Variants in ABCC1 observed in about 807,000 individuals in gnomAD.
ABCC1 encodes ATP binding cassette subfamily C member 1 (ABCC1 blood group).
Under a neutral mutation model 172.9 loss-of-function variants are expected in ABCC1, and 83 were observed. The ratio of observed to expected loss-of-function variants is 0.48; its 90% CI spans 0.40 to 0.58. ABCC1 has a LOEUF of 0.58. Ranked by LOEUF, ABCC1 falls within the 20% of genes least tolerant of loss-of-function variation. The pLI is 0.00. For synonymous variants in ABCC1, 937 were observed against 825.2 expected, an observed-to-expected ratio of 1.14 and a Z score of -2.32; for missense variants, 1,817 against 2,002.7, an observed-to-expected ratio of 0.91 and a Z score of 1.77.
chr16:16,035,610 C>T (rs1394417036), intron 6 of ABCC1, among the ~76,000 whole-genome samples: 1 of 151,730 alleles, frequency 6.6e-6, no homozygotes, highest in African/African-American at 2.4e-5. Flanking sequence ...GCCACCTCAG[C>T]CTCCCGAGTA....
chr16:15,960,264 T>G (rs1567274317), intron 1 of ABCC1, among the ~76,000 whole-genome samples: 1 of 151,972 alleles, frequency 6.6e-6, no homozygotes, highest in African/African-American at 2.4e-5. Flanking sequence ...TATTTTTTTT[T>G]GTAGAGATGG....
chr16:16,109,191 G>A (rs1238532231), intron 21 of ABCC1, among the ~76,000 whole-genome samples: 3 of 151,608 alleles, frequency 2.0e-5, no homozygotes, highest in African/African-American at 7.3e-5. Flanking sequence ...TTTTTTTCTG[G>A]TGAGGGGCAG....
intron 1 of ABCC1, among the ~76,000 whole-genome samples, chr16:16,001,615 C>T (rs944488409): frequency 6.6e-6 from 1 of 152,140 alleles, no homozygotes; most frequent in Non-Finnish European, 1.5e-5. Flanking sequence ...TATGAATCTT[C>T]CTCTGAGCAG....
intron 12 of ABCC1, among the ~76,000 whole-genome samples, chr16:16,056,898 C>T (rs1429883359): frequency 1.3e-5 from 2 of 152,120 alleles, no homozygotes; most frequent in East Asian, 1.9e-4. Flanking sequence ...ACAAAAAGTG[C>T]GAGCTGAGTC....
At chr16:16,012,735 C>T (rs1173430853) in intron 3 of ABCC1, among the ~76,000 whole-genome samples, 4 of 147,304 alleles carry the variant, frequency 2.7e-5, no homozygotes, top group African/African-American at 7.7e-5. Flanking sequence ...TTTTCCCAGG[C>T]GCAATGGCAT....
At chr16:15,975,358 T>C (rs182639593) in intron 1 of ABCC1, among the ~76,000 whole-genome samples, 129 of 152,272 alleles carry the variant, frequency 8.5e-4, no homozygotes, top group African/African-American at 2.7e-3. Context: ...TTTTTGCTGT[T>C]GTGAAATGGC....
chr16:16,030,045 G>A (rs777948903), intron 5 of ABCC1, among the ~76,000 whole-genome samples: 2 of 152,068 alleles, frequency 1.3e-5, no homozygotes, highest in Non-Finnish European at 2.9e-5. Context: ...TGTGGTGATC[G>A]AATAAATGAC....
intron 11 of ABCC1, among the ~76,000 whole-genome samples, chr16:16,053,768 C>A: frequency 1.2e-5 from 1 of 81,154 alleles, no homozygotes; most frequent in African/African-American, 4.4e-5. Context: ...GAGTGAGACC[C>A]TGTCTCAAAA....
Position 15,993,492 on chromosome 16 carries a change from G to A in ABCC1, c.49-14324G>A, listed in dbSNP as rs185871667. Among the ~76,000 whole-genome samples the A allele has an allele frequency of 3.9e-5, 6 of 152,290 alleles. No individual in the cohort carries two copies. In the East Asian group the frequency reaches 1.2e-3, roughly 29 times the overall value. On this transcript the variant is annotated intron_variant, in intron 1 of 30. Transcript: ENST00000399410. Reference sequence around the variant, plus strand: ...TGCCTCTCTGGAGATATTTGGCAATGTCTAGAGACAGTTTTGATTGTCATA... The same window carrying A: ...TGCCTCTCTGGAGATATTTGGCAATATCTAGAGACAGTTTTGATTGTCATA...
At chr16:16,020,102 A>G (rs1001759374) in intron 5 of ABCC1, among the ~76,000 whole-genome samples, 1 of 152,050 alleles carries the variant, frequency 6.6e-6, no homozygotes, top group African/African-American at 2.4e-5. Flanking sequence ...TTGTATTTTT[A>G]GTAGAGATGG....
At chr16:15,993,777 T>C (rs889524275) in intron 1 of ABCC1, among the ~76,000 whole-genome samples, 3 of 152,096 alleles carry the variant, frequency 2.0e-5, no homozygotes, top group Non-Finnish European at 4.4e-5. Flanking sequence ...GGAAGAGTTG[T>C]AGAATGTTTC....
chr16:16,126,510 A>G (rs540303169), intron 26 of ABCC1, among the ~76,000 whole-genome samples: 4 of 152,110 alleles, frequency 2.6e-5, no homozygotes, highest in Non-Finnish European at 4.4e-5. Flanking sequence ...CAGCCTCCCA[A>G]ATAGTTGGGA....
intron 20 of ABCC1, among the ~76,000 whole-genome samples, chr16:16,105,181 G>A (rs1352448781): frequency 6.6e-6 from 1 of 152,248 alleles, no homozygotes; most frequent in Non-Finnish European, 1.5e-5. Flanking sequence ...CCAGCACGCT[G>A]TCACTTCTCA....
chr16:16,036,503 G>C lies in ABCC1; in HGVS notation c.709G>C (p.Glu237Gln). The C allele has an allele frequency of 6.2e-7, 1 of 1,613,994 alleles. No individual in the cohort carries two copies. The highest frequency in any genetic ancestry group is 8.5e-7 in the Non-Finnish European group (1 of 1,179,932). Residue 237 changes from glutamate to glutamine, a missense_variant, in exon 7 of 31, where the codon GAG becomes CAG. By Grantham distance (29) the Glu-to-Gln change is conservative (BLOSUM62 2). Transcript: ENST00000399410. ...LIVRGYRQPLEGSDLWSLNKE... is the reference protein window; with the variant it reads ...LIVRGYRQPLQGSDLWSLNKE... ...TGTCCGGGGCTACCGCCAGCCCCTG[G>C]AGGGCAGTGACCTCTGGTCCTTAAA...
Position 16,045,038 on chromosome 16 carries a change from C to T in ABCC1, c.1040+358C>T, listed in dbSNP as rs45516599. ...GAAACCCACTAGGCTCCCCTAAAACCCAAATGGGGAGGATATGGCATTGTC... is the reference window on the plus strand; with the variant it reads ...GAAACCCACTAGGCTCCCCTAAAACTCAAATGGGGAGGATATGGCATTGTC... On this transcript the variant is annotated intron_variant, in intron 8 of 30. Coordinates refer to ENST00000399410, the MANE Select transcript of ABCC1 (RefSeq NM_004996.4). 7.0e-3 allele frequency among the ~76,000 whole-genome samples: 1,072 copies of T among 152,160 alleles called. 13 individuals are homozygous for T. Among genetic ancestry groups the T allele is most frequent in the African/African-American group, 0.025 (1,037 of 41,504 alleles).
Position 15,982,037 on chromosome 16 carries a change from T to C in ABCC1, c.49-25779T>C, listed in dbSNP as rs977060848. 4.6e-5 allele frequency among the ~76,000 whole-genome samples: 7 copies of C among 152,200 alleles called. 1 individual carries two copies. The highest frequency in any genetic ancestry group is 1.7e-4 in the African/African-American group (7 of 41,440). ...TCCCAAGAAGTTCCTCATCTCCATCTGAGACCACCTCAGCCTGGACTTCAT... is the reference window on the plus strand; with the variant it reads ...TCCCAAGAAGTTCCTCATCTCCATCCGAGACCACCTCAGCCTGGACTTCAT... On this transcript the variant is annotated intron_variant, in intron 1 of 30. Coordinates refer to ENST00000399410, the MANE Select transcript of ABCC1 (RefSeq NM_004996.4).
At chr16:15,951,580 C>T (rs2045874049) in intron 1 of ABCC1, among the ~76,000 whole-genome samples, 1 of 151,970 alleles carries the variant, frequency 6.6e-6, no homozygotes, top group African/African-American at 2.4e-5. Context: ...GTTGGAGGTG[C>T]CTTGGAACCA....
chr16:16,142,886 G>A lies in ABCC1; in HGVS notation c.*1605G>A, dbSNP rs1285382593. On this transcript the variant is annotated 3_prime_UTR_variant, in exon 31 of 31. Coordinates refer to ENST00000399410, the MANE Select transcript of ABCC1 (RefSeq NM_004996.4). ...CAGACTTGCTAAGAATTACGCCGCC[G>A]ACTTCAAACCCAGAGAGCATCTTTC... is the stretch of plus-strand genomic sequence containing the variant. 1 of 152,562 alleles carries A rather than the reference G, an allele frequency of 6.6e-6. No homozygotes were observed. The highest frequency in any genetic ancestry group is 1.5e-5 in the Non-Finnish European group (1 of 68,026). The allele number at this position is 152,562 out of a possible 1,614,324, so 9.5% of individuals were successfully genotyped here.
At chr16:16,056,898 C>A (rs1429883359) in intron 12 of ABCC1, among the ~76,000 whole-genome samples, 1 of 152,120 alleles carries the variant, frequency 6.6e-6, no homozygotes, top group Non-Finnish European at 1.5e-5. Flanking sequence ...ACAAAAAGTG[C>A]GAGCTGAGTC....
Sources: allele counts gnomAD v4.1 joint callset (sites outside exome capture counted in the v4.1 genomes callset), GRCh38; gene constraint gnomAD v4.1.1; transcripts MANE v1.5; gene names NCBI Gene and HGNC (gene_info 2026-07-23, HGNC 2026-07-21).